Variants in LGR4 observed in about 807,000 individuals in gnomAD.
The protein encoded by LGR4 is leucine rich repeat containing G protein-coupled receptor 4, also known as leucine-rich repeat-containing G protein-coupled receptor 4.
LGR4 carries 44 observed loss-of-function variants against 84.8 expected under a neutral mutation model. The ratio of observed to expected loss-of-function variants is 0.52; its 90% CI spans 0.41 to 0.67. The LOEUF (loss-of-function observed/expected upper bound fraction) is 0.67. Among genes scored for constraint, LGR4 ranks in the 30% least tolerant of loss-of-function variants. LGR4 has a pLI of 0.00. For missense variants in LGR4, 1,032 were observed against 1,131.4 expected, an observed-to-expected ratio of 0.91 and a Z score of 1.26; for synonymous variants, 429 against 434.3, an observed-to-expected ratio of 0.99 and a Z score of 0.15.
At chr11:27,382,311 T>A (rs1863111409) in intron 6 of LGR4, 55 bp from the exon 7 acceptor site, 4 of 1,157,386 alleles carry the variant, frequency 3.5e-6, no homozygotes, top group Middle Eastern at 1.9e-4. Flanking sequence ...TCATAATTCA[T>A]AAGGCATTTT....
chr11:27,380,777 G>A, intron 8 of LGR4, 66 bp from the exon 9 acceptor site: 1 of 1,248,574 alleles, frequency 8.0e-7, no homozygotes, highest in Non-Finnish European at 1.2e-6. Flanking sequence ...TTAACTCTAT[G>A]TTCACAATGT....
chr11:27,408,344 T>TC (rs745379634), intron 2 of LGR4, among the ~76,000 whole-genome samples: 12 of 152,136 alleles, frequency 7.9e-5, no homozygotes, highest in Non-Finnish European at 1.2e-4. Flanking sequence ...TGTGAAGTCT[T>TC]CCAAAGTCAA....
rs140933781 is a variant in LGR4, at chr11:27,445,210, G to A, written c.185+26908C>T. ...TACTCTCATACTGTATTTGATTCGT[G>A]CATGTCTGTCTTTTCCACCAAACCC... On this transcript the variant is annotated intron_variant, in intron 1 of 17. Transcript: ENST00000379214. 1.1e-4 allele frequency among the ~76,000 whole-genome samples: 17 copies of A among 152,176 alleles called. No homozygotes were observed. The East Asian group carries it at 3.3e-3, about 29-fold the overall frequency.
intron 1 of LGR4, among the ~76,000 whole-genome samples, chr11:27,442,914 G>A (rs1274972589): frequency 1.3e-5 from 2 of 152,180 alleles, no homozygotes; most frequent in Admixed American, 6.5e-5. Context: ...CACAGCAAAA[G>A]AGAAATAAAG....
chr11:27,456,215 A>T (rs1300813764), intron 1 of LGR4, among the ~76,000 whole-genome samples: 1 of 152,238 alleles, frequency 6.6e-6, no homozygotes, highest in Non-Finnish European at 1.5e-5. Context: ...TTCAATCATG[A>T]ATAATAGCCC....
At chr11:27,437,502 G>A (rs527991498) in intron 1 of LGR4, among the ~76,000 whole-genome samples, 19 of 152,168 alleles carry the variant, frequency 1.2e-4, no homozygotes, top group African/African-American at 4.3e-4. Flanking sequence ...AATTGAGAAG[G>A]AGTGACTATT....
chr11:27,455,072 G>T (rs1365613484), intron 1 of LGR4, among the ~76,000 whole-genome samples: 1 of 151,980 alleles, frequency 6.6e-6, no homozygotes, highest in Admixed American at 6.6e-5. Flanking sequence ...GTCTCACTTT[G>T]TCACCCATGC....
chr11:27,413,443 G>A (rs1199814245), intron 1 of LGR4, among the ~76,000 whole-genome samples: 1 of 152,090 alleles, frequency 6.6e-6, no homozygotes, highest in Non-Finnish European at 1.5e-5. Flanking sequence ...CCTTAAGAGC[G>A]TCCGCAGAAA....
intron 1 of LGR4, 186 bp downstream of exon 1, chr11:27,471,932 G>A (rs1207690090): frequency 5.4e-6 from 2 of 372,474 alleles, no homozygotes; most frequent in Non-Finnish European, 9.3e-6. Context: ...AGCAAAGTGC[G>A]GAAAGCCCGT....
intron 1 of LGR4, among the ~76,000 whole-genome samples, chr11:27,462,696 G>A (rs1015159155): frequency 6.6e-5 from 10 of 151,894 alleles, no homozygotes; most frequent in Admixed American, 6.6e-5. Context: ...ATTCTCACTC[G>A]GCGTCACTCA....
chr11:27,457,842 T>C (rs1420148127), intron 1 of LGR4, among the ~76,000 whole-genome samples: 1 of 152,046 alleles, frequency 6.6e-6, no homozygotes, highest in East Asian at 1.9e-4. Context: ...TGAAAATGAG[T>C]ACTGGCCAGG....
Position 27,368,939 on chromosome 11 carries a change from G to C in LGR4, c.1784C>G (p.Thr595Ser), listed in dbSNP as rs369900849. Residue 595 changes from threonine (T) to serine (S), a missense_variant, in exon 18 of 18, where the codon ACT (threonine) becomes AGT (serine). Physicochemically the swap from Thr to Ser is moderately conservative, Grantham distance 58. Transcript: ENST00000379214. ...LFMGIYTGIL[T>S]FLDAVSWGRF... ...GCCCCAGGACACAGCATCAAGAAAAGTTAGGATGCCAGTATAGATTCCCAT... is the reference window on the plus strand; with the variant it reads ...GCCCCAGGACACAGCATCAAGAAAACTTAGGATGCCAGTATAGATTCCCAT... The C allele has an allele frequency of 1.2e-6, 2 of 1,614,100 alleles. No individual in the cohort carries two copies. Among genetic ancestry groups the C allele is most frequent in the Non-Finnish European group, 1.7e-6 (2 of 1,179,994 alleles).
At chr11:27,405,650 G>A (rs1863592417) in intron 2 of LGR4, among the ~76,000 whole-genome samples, 1 of 151,966 alleles carries the variant, frequency 6.6e-6, no homozygotes, top group Admixed American at 6.6e-5. Context: ...TTTCGTCAAA[G>A]CACCACCAGA....
Position 27,472,102 on chromosome 11 carries a change from C to A in LGR4, c.185+16G>T. On this transcript the variant is annotated intron_variant, in intron 1 of 17. Transcript: ENST00000379214. The stretch of plus-strand genomic sequence containing the variant: ...GTTTCCTCCCCCCCCCTCGCGTCCC[C>A]GCCGCCCGCACTCACAGCGCTTGGG... The A allele has an allele frequency of 1.5e-6, 2 of 1,299,738 alleles. No individual in the cohort carries two copies. The highest frequency in any genetic ancestry group is 2.1e-5 in the South Asian group (1 of 47,368). The allele number at this position is 1,299,738 out of a possible 1,614,324, so 80.5% of individuals were successfully genotyped here.
intron 1 of LGR4, among the ~76,000 whole-genome samples, chr11:27,422,539 T>C (rs1863941357): frequency 6.6e-6 from 1 of 152,118 alleles, no homozygotes; most frequent in Non-Finnish European, 1.5e-5. Flanking sequence ...TTCAGGAAAA[T>C]GTTTCAGCAT....
rs1451718983 is a variant in LGR4 at position 27,382,203 on chromosome 11, G to A, written c.743C>T (p.Pro248Leu). The change falls in exon 7 of 18, where the codon CCT becomes CTT. Residue 248 changes from proline (P) to leucine (L), a missense_variant. Coordinates refer to ENST00000379214, the MANE Select transcript of LGR4 (RefSeq NM_018490.5). ...CAATACTCACAGCTCTTTAAGGCTA[G>A]GAAGGGCTTTAATAGCCTGAGGAAA... ...GEFPQAIKAL[P>L]SLKELGFHSN... 6.2e-7 allele frequency: 1 copy of A among 1,607,564 alleles called. No homozygotes were observed. Among genetic ancestry groups the A allele is most frequent in the South Asian group, 1.1e-5 (1 of 90,840 alleles).
chr11:27,382,210 C>T lies in LGR4; in HGVS notation c.736G>A (p.Ala246Thr), dbSNP rs1220349257. The T allele has an allele frequency of 2.5e-6, 4 of 1,609,404 alleles. No homozygotes were observed. In the South Asian group the frequency reaches 4.4e-5, roughly 18 times the overall value. ...NLGEFPQAIK[A>T]LPSLKELGFH... Reference sequence around the variant, plus strand: ...CACAGCTCTTTAAGGCTAGGAAGGGCTTTAATAGCCTGAGGAAATTCCCCC... The same window carrying T: ...CACAGCTCTTTAAGGCTAGGAAGGGTTTTAATAGCCTGAGGAAATTCCCCC... Residue 246 changes from alanine (A) to threonine (T), a missense_variant, in exon 7 of 18, where the codon GCC becomes ACC. By Grantham distance (58) the Ala-to-Thr change is moderately conservative (BLOSUM62 0). Transcript: ENST00000379214.
chr11:27,447,194 A>T (rs919320286), intron 1 of LGR4, among the ~76,000 whole-genome samples: 16 of 151,830 alleles, frequency 1.1e-4, no homozygotes, highest in Non-Finnish European at 2.1e-4. Context: ...TAATAATAAT[A>T]AAAAAAAGCG....
At chr11:27,382,062 G>A (rs1454930949) in intron 7 of LGR4, 126 bp downstream of exon 7, 27 of 646,958 alleles carry the variant, frequency 4.2e-5, no homozygotes, top group Non-Finnish European at 6.6e-5. Context: ...ATGATTATTT[G>A]TGTGTTTGTG....
Sources: gnomAD v4.1 joint callset for allele counts (sites outside exome capture counted in the v4.1 genomes callset) on GRCh38, gnomAD v4.1.1 for gene constraint, MANE v1.5 for transcripts, NCBI Gene and HGNC (gene_info 2026-07-23, HGNC 2026-07-21) for gene names.